The following PRTG variants were observed in gnomAD, a reference collection of about 807,000 sequenced individuals.
PRTG encodes protogenin, also known as immunoglobulin superfamily, DCC subclass, member 5.
A neutral mutation model predicts 122.5 loss-of-function variants in PRTG; 67 were observed. The ratio of observed to expected loss-of-function variants is 0.55; its 90% CI spans 0.45 to 0.67. The LOEUF (loss-of-function observed/expected upper bound fraction) is 0.67. PRTG is among the 30% of genes least tolerant of loss of function. The pLI is 0.00. For synonymous variants in PRTG, 554 were observed against 501.1 expected (o/e 1.11, Z -1.41); for missense variants, 1,435 against 1,415.4 (o/e 1.01, Z -0.22).
intron 15 of PRTG, among the ~76,000 whole-genome samples, chr15:55,630,531 C>G (rs958909724): frequency 6.6e-6 from 1 of 152,152 alleles, no homozygotes; most frequent in Admixed American, 6.5e-5. Context: ...TCAAAATCAC[C>G]ACCAGCAATC....
chr15:55,707,239 G>A (rs2030167254), intron 2 of PRTG, among the ~76,000 whole-genome samples: 1 of 152,018 alleles, frequency 6.6e-6, no homozygotes, highest in African/African-American at 2.4e-5. Flanking sequence ...CTATACAAAG[G>A]CTCCTAAGGT....
intron 11 of PRTG, among the ~76,000 whole-genome samples, chr15:55,663,175 T>C (rs2059419298): frequency 6.6e-6 from 1 of 152,204 alleles, no homozygotes; most frequent in South Asian, 2.1e-4. Context: ...CCCGCTGTCC[T>C]GTGGGTTCTA....
chr15:55,670,541 A>C (rs2059463470), intron 11 of PRTG, among the ~76,000 whole-genome samples: 1 of 152,200 alleles, frequency 6.6e-6, no homozygotes, highest in Non-Finnish European at 1.5e-5. Context: ...GGTTGGGCTA[A>C]TGTCATCTCA....
At chr15:55,721,727 TGGGGA>T (rs1415421880) in intron 2 of PRTG, among the ~76,000 whole-genome samples, 3 of 152,140 alleles carry the variant, frequency 2.0e-5, no homozygotes, top group Admixed American at 1.3e-4. Context: ...TAAGGACGGC[TGGGGA>T]GGCCTCAGGA....
intron 1 of PRTG, among the ~76,000 whole-genome samples, chr15:55,741,595 G>A (rs1410854495): frequency 1.3e-5 from 2 of 152,268 alleles, no homozygotes; most frequent in Admixed American, 1.3e-4. Flanking sequence ...TGCACAGGCC[G>A]TCTTAAAGTC....
rs2059498265 is a variant in PRTG, at chr15:55,675,592, G to A, written c.1473C>T (p.Phe491=). 3.1e-6 allele frequency: 5 copies of A among 1,610,816 alleles called. No individual in the cohort carries two copies. Among genetic ancestry groups the A allele is most frequent in the Non-Finnish European group, 4.2e-6 (5 of 1,177,276 alleles). Residue 491 remains phenylalanine, a synonymous_variant, in exon 9 of 20, where the codon TTC becomes TTT. Transcript: ENST00000389286. The part of the protein sequence containing the change: ...DDLEPASNYT[F]YIVAYMPMGA... ...CCATTGGCATATATGCTACAATGTA[G>A]AAAGTATAATTGCTGGCAGGCTCTA...
At chr15:55,631,753 G>A (rs1471551250) in intron 15 of PRTG, among the ~76,000 whole-genome samples, 1 of 152,080 alleles carries the variant, frequency 6.6e-6, no homozygotes, top group Non-Finnish European at 1.5e-5. Flanking sequence ...TCTAACTTGG[G>A]GCACGTTACT....
At position 55,612,709 on chromosome 15, in the gene PRTG, T is replaced by C. The variant is rs1211925994; in HGVS notation, c.*7303A>G. ...CTCTTTAAAAGCCAATATATATATA[T>C]ATATATATATATATATATATATATA... is the stretch of plus-strand genomic sequence containing the variant. On this transcript the variant is annotated 3_prime_UTR_variant, in exon 20 of 20. Transcript: ENST00000389286. The C allele has an allele frequency of 1.7e-4, 2 of 11,506 alleles. No individual in the cohort carries two copies. The highest frequency in any genetic ancestry group is 2.3e-4 in the African/African-American group (2 of 8,878). The allele number at this position is 11,506 out of a possible 1,614,324, so 0.7% of individuals were successfully genotyped here.
intron 2 of PRTG, among the ~76,000 whole-genome samples, chr15:55,717,215 A>C (rs1322321348): frequency 6.6e-6 from 1 of 152,226 alleles, no homozygotes; most frequent in African/African-American, 2.4e-5. Flanking sequence ...TTTAACTAAA[A>C]ATATAAATGA....
At chr15:55,686,014 A>G (rs766993263) in intron 2 of PRTG, among the ~76,000 whole-genome samples, 14 of 152,186 alleles carry the variant, frequency 9.2e-5, no homozygotes, top group Admixed American at 1.3e-4. Context: ...ATCTAAACCT[A>G]TGGACCATCC....
At chr15:55,628,181 C>A (rs2059206140) in intron 16 of PRTG, among the ~76,000 whole-genome samples, 1 of 152,116 alleles carries the variant, frequency 6.6e-6, no homozygotes, top group South Asian at 2.1e-4. Flanking sequence ...TAATCCTGCC[C>A]TGAGTTCAGC....
chr15:55,632,993 T>A (rs923824912), intron 15 of PRTG, among the ~76,000 whole-genome samples: 7 of 152,210 alleles, frequency 4.6e-5, no homozygotes, highest in Non-Finnish European at 1.0e-4. Context: ...ATTCCTTTAT[T>A]ACAAGATTGC....
intron 2 of PRTG, among the ~76,000 whole-genome samples, chr15:55,735,220 C>G (rs1450290229): frequency 6.6e-6 from 1 of 152,090 alleles, no homozygotes; most frequent in African/African-American, 2.4e-5. Context: ...GTAGGATCCT[C>G]AACAAAATGC....
chr15:55,660,345 G>T (rs1183368948), intron 11 of PRTG, among the ~76,000 whole-genome samples: 8 of 151,882 alleles, frequency 5.3e-5, no homozygotes, highest in Admixed American at 5.2e-4. Context: ...TCTTTCATGT[G>T]CTAATGGGTT....
In PRTG at chr15:55,661,105, C is replaced by CA. The variant is rs1337330493; in HGVS notation, c.2041+11339dup. Among the ~76,000 whole-genome samples, 8 of 151,182 alleles carry CA rather than the reference C, an allele frequency of 5.3e-5. No individual in the cohort carries two copies. In the South Asian group the frequency reaches 1.7e-3, roughly 32 times the overall value. The stretch of plus-strand genomic sequence containing the variant: ...TTTTGATCATGCCCATTTCTTCAAA[C>CA]AAAAAAAAGGTTTTGTCTTGCTTTC... On this transcript the variant is annotated intron_variant, in intron 11 of 19. Coordinates refer to ENST00000389286, the MANE Select transcript of PRTG (RefSeq NM_173814.6).
chr15:55,639,777 G>C lies in PRTG; in HGVS notation c.2189C>G (p.Ala730Gly). 1 of 1,614,156 alleles carries C rather than the reference G, an allele frequency of 6.2e-7. No individual in the cohort carries two copies. Among genetic ancestry groups the C allele is most frequent in the Admixed American group, 1.7e-5 (1 of 60,026 alleles). Reference sequence around the variant, plus strand: ...GATGGAAGATGAGGTGTTAGCCTTCGCATAGAGATGGTGGGGTGGTGGTGG... The same window carrying C: ...GATGGAAGATGAGGTGTTAGCCTTCCCATAGAGATGGTGGGGTGGTGGTGG... ...PPPPPPHHLYAKANTSSSIFL... is the reference protein window; with the variant it reads ...PPPPPPHHLYGKANTSSSIFL... The change falls in exon 13 of 20, where the codon GCG becomes GGG. Residue 730 changes from alanine (A) to glycine (G), a missense_variant. Physicochemically the swap from Ala to Gly is moderately conservative, Grantham distance 60. Coordinates refer to ENST00000389286, the MANE Select transcript of PRTG (RefSeq NM_173814.6).
Position 55,673,413 on chromosome 15 carries a change from C to G in PRTG, c.1810G>C (p.Val604Leu), listed in dbSNP as rs1311339355. The G allele has an allele frequency of 1.2e-6, 2 of 1,614,038 alleles. No homozygotes were observed. The highest frequency in any genetic ancestry group is 2.7e-5 in the African/African-American group (2 of 74,928). The stretch of plus-strand genomic sequence containing the variant: ...TTGGGCGTCCTATGTGAAGTCCATA[C>G]TGATGACTCTCCCAGCCCCACTCTG... ...ATRVGLGESS[V>L]WTSHRTPKAT... is the part of the protein sequence containing the mutation. Residue 604 changes from valine (V) to leucine (L), a missense_variant, in exon 10 of 20, where the codon GTA becomes CTA. Transcript: ENST00000389286.
intron 2 of PRTG, among the ~76,000 whole-genome samples, chr15:55,684,746 C>G (rs527577789): frequency 6.6e-6 from 1 of 152,054 alleles, no homozygotes; most frequent in Non-Finnish European, 1.5e-5. Flanking sequence ...AAAACAAAGA[C>G]TTGGTTCTTA....
Position 55,740,437 on chromosome 15 carries a change from C to G in PRTG, c.342G>C (p.Leu114Phe). The G allele has an allele frequency of 6.2e-7, 1 of 1,614,144 alleles. No homozygotes were observed. The highest frequency in any genetic ancestry group is 8.5e-7 in the Non-Finnish European group (1 of 1,180,028). The change falls in exon 2 of 20, where the codon TTG becomes TTC. Residue 114 changes from leucine (L) to phenylalanine (F), a missense_variant. Transcript: ENST00000389286. ...GAATGGCTCCATATTTGTTCATTGCCAAGCACTGATAAAATCCTTCATCGG... is the reference window on the plus strand; with the variant it reads ...GAATGGCTCCATATTTGTTCATTGCGAAGCACTGATAAAATCCTTCATCGG... ...EQSDEGFYQCLAMNKYGAILS... is the reference protein window; with the variant it reads ...EQSDEGFYQCFAMNKYGAILS...
Sources: allele counts gnomAD v4.1 joint callset (sites outside exome capture counted in the v4.1 genomes callset), GRCh38; gene constraint gnomAD v4.1.1; transcripts MANE v1.5; gene names NCBI Gene and HGNC (gene_info 2026-07-23, HGNC 2026-07-21).